The following MCM2 variants were observed in gnomAD, a reference collection of about 807,000 sequenced individuals.
MCM2 encodes the protein DNA replication licensing factor MCM2.
A neutral mutation model predicts 86.4 loss-of-function variants in MCM2; 49 were observed. The observed-to-expected ratio is 0.57, with a 90% CI of 0.45 to 0.72. The LOEUF is 0.72. Among genes scored for constraint, MCM2 ranks in the 30% least tolerant of loss-of-function variants. The probability of loss-of-function intolerance (pLI) is 0.00; values close to 1 mark genes in which losing one functional copy is unlikely to be tolerated. For synonymous variants in MCM2, 475 were observed against 484.6 expected, an observed-to-expected ratio of 0.98 and a Z score of 0.26; for missense variants, 1,038 against 1,259.9, an observed-to-expected ratio of 0.82 and a Z score of 2.67.
chr3:127,617,458 G>C lies in MCM2; in HGVS notation c.1900+53G>C. The C allele has an allele frequency of 1.9e-6, 3 of 1,566,176 alleles. No individual in the cohort carries two copies. In the South Asian group the frequency reaches 3.5e-5, roughly 18 times the overall value. ...CTGGGGTGGGACACAGGGAGGTCCC[G>C]CCTGCTTGAATTGGGAGCCCACGGG... On this transcript the variant is annotated intron_variant, in intron 11 of 15. Transcript: ENST00000265056. This position sits in a 1 kb window ranked among gnomAD's most constrained non-coding sequence, Gnocchi z 4.1.
At chr3:127,600,784 A>G (rs1381520530) in intron 2 of MCM2, among the ~76,000 whole-genome samples, 1 of 150,420 alleles carries the variant, frequency 6.6e-6, no homozygotes, top group Non-Finnish European at 1.5e-5. Context: ...TGCTTCTCTG[A>G]GAAGCAAAGA....
chr3:127,605,300 G>T (rs2074338541), intron 4 of MCM2, 144 bp downstream of exon 4: 8 of 1,059,416 alleles, frequency 7.6e-6, no homozygotes. Flanking sequence ...TTTGAGTTTT[G>T]CATCAGGGCT....
Position 127,616,913 on chromosome 3 carries a change from G to A in MCM2, c.1568G>A (p.Gly523Glu). Residue 523 changes from glycine to glutamate, a missense_variant, in exon 10 of 16, where the codon GGA becomes GAA. This residue lies in a region of MCM2 where 399 missense variants were observed against 507.2 expected (regional missense o/e 0.79). Coordinates refer to ENST00000265056, the MANE Select transcript of MCM2 (RefSeq NM_004526.4). Reference sequence around the variant, plus strand: ...GGTGATATCAACGTGCTCTTGTGCGGAGACCCTGGCACAGCGAAGTCGCAG... The same window carrying A: ...GGTGATATCAACGTGCTCTTGTGCGAAGACCCTGGCACAGCGAAGTCGCAG... Reference protein sequence around the residue: ...VRGDINVLLCGDPGTAKSQFL... With the variant: ...VRGDINVLLCEDPGTAKSQFL... 1 of 1,614,160 alleles carries A rather than the reference G, an allele frequency of 6.2e-7. No homozygotes were observed. Among genetic ancestry groups the A allele is most frequent in the Non-Finnish European group, 8.5e-7 (1 of 1,180,040 alleles).
Position 127,615,848 on chromosome 3 carries a change from C to T in MCM2, c.1429-14C>T, listed in dbSNP as rs746659418. 8 of 1,596,106 alleles carry T rather than the reference C, an allele frequency of 5.0e-6. No homozygotes were observed. The Admixed American group carries it at 1.3e-4, about 27-fold the overall frequency. On this transcript the variant is annotated splice_polypyrimidine_tract_variant and intron_variant, in intron 8 of 15. Transcript: ENST00000265056. Reference sequence around the variant, plus strand: ...ATCTGTTCCCATTCTTGTCGGTCTCCCTCCCTTTCTCAGATCTTTGCCAGC... The same window carrying T: ...ATCTGTTCCCATTCTTGTCGGTCTCTCTCCCTTTCTCAGATCTTTGCCAGC...
intron 13 of MCM2, 144 bp downstream of exon 13, chr3:127,619,422 G>C: frequency 1.0e-6 from 1 of 996,614 alleles, no homozygotes. Context: ...GTAGGTGCCA[G>C]GCACAGTGGC....
Position 127,617,372 on chromosome 3 carries a change from C to T in MCM2, c.1867C>T (p.Arg623Cys), listed in dbSNP as rs372340490. The T allele has an allele frequency of 3.0e-5, 48 of 1,614,050 alleles. 1 individual carries two copies. The highest frequency in any genetic ancestry group is 1.7e-4 in the Middle Eastern group (1 of 6,060). ...TGGCATCGTCACCTCCCTGCAGGCT[C>T]GCTGCACGGTCATTGCTGCCGCCAA... ...KAGIVTSLQA[R>C]CTVIAAANPI... is the part of the protein sequence containing the mutation. The change falls in exon 11 of 16, where the codon CGC becomes TGC. Residue 623 changes from arginine to cysteine, a missense_variant. By Grantham distance (180) the Arg-to-Cys change is radical. Transcript: ENST00000265056. This position sits in a 1 kb window ranked among gnomAD's most constrained non-coding sequence, Gnocchi z 4.1.
Position 127,617,263 on chromosome 3 carries a change from C to T in MCM2, c.1774-16C>T, listed in dbSNP as rs2074440773. On this transcript the variant is annotated splice_polypyrimidine_tract_variant and intron_variant, in intron 10 of 15. Transcript: ENST00000265056. The surrounding 1 kb of genome is among the most constrained non-coding windows in gnomAD (Gnocchi z 4.1). ...GGCGTGAACCATGCTAAGGGTGGGC[C>T]ATTTTAATCTTGCAGATGAATGACC... The T allele has an allele frequency of 6.2e-7, 1 of 1,613,938 alleles. No individual in the cohort carries two copies. The highest frequency in any genetic ancestry group is 8.5e-7 in the Non-Finnish European group (1 of 1,179,912).
chr3:127,601,662 G>A (rs534533625), intron 2 of MCM2, among the ~76,000 whole-genome samples: 29 of 152,236 alleles, frequency 1.9e-4, no homozygotes, highest in Non-Finnish European at 2.5e-4. Context: ...CACCACACCC[G>A]GCCCGTTACA....
intron 8 of MCM2, among the ~76,000 whole-genome samples, chr3:127,611,682 CTTTTTTTTTTTTTTTTTTTTTTTT>C (rs59607211): frequency 1.8e-5 from 1 of 54,258 alleles, no homozygotes; most frequent in Non-Finnish European, 3.1e-5. Context: ...CTGCAGCTGA[CTTTTTTTTTTTTTTTTTTTTTTTT>C]TTTTTTTTTT....
rs1318063469 is a variant in MCM2 at position 127,611,863 on chromosome 3, T to G, written c.1428+2840T>G. On this transcript the variant is annotated intron_variant, in intron 8 of 15. Coordinates refer to ENST00000265056, the MANE Select transcript of MCM2 (RefSeq NM_004526.4). ...ACAGGCGCCCGCCACTACGCCCGGC[T>G]AATTTTTTTGTATTTTTAGTAGAGA... 2.0e-5 allele frequency among the ~76,000 whole-genome samples: 3 copies of G among 148,418 alleles called. 1 individual carries two copies. The South Asian group carries it at 6.6e-4, about 33-fold the overall frequency.
Position 127,605,217 on chromosome 3 carries a change from A to G in MCM2, c.673+61A>G, listed in dbSNP as rs1033836989. The G allele has an allele frequency of 3.2e-5, 50 of 1,577,854 alleles. No individual in the cohort carries two copies. In the Admixed American group the frequency reaches 8.5e-4, roughly 27 times the overall value. ...AGCGCCTCCCTAAATCCTCCCCAGA[A>G]AGTTGTCTGAGCCGAGTGAACACGT... On this transcript the variant is annotated intron_variant, in intron 4 of 15. Coordinates refer to ENST00000265056, the MANE Select transcript of MCM2 (RefSeq NM_004526.4).
chr3:127,607,388 C>A (rs2074359659), intron 6 of MCM2, among the ~76,000 whole-genome samples: 1 of 152,256 alleles, frequency 6.6e-6, no homozygotes, highest in Non-Finnish European at 1.5e-5. Flanking sequence ...GGCGCCCAGG[C>A]CCCTTGACTG....
rs2074442007 is a variant in MCM2 at position 127,617,433 on chromosome 3, CTGGGGT to C, written c.1900+29_1900+34del. ...GCAGCAGGCACCCTGACTGCTGGGG[CTGGGGT>C]GGGACACAGGGAGGTCCCGCCTGCT... On this transcript the variant is annotated intron_variant, in intron 11 of 15. Coordinates refer to ENST00000265056, the MANE Select transcript of MCM2 (RefSeq NM_004526.4). This position sits in a 1 kb window ranked among gnomAD's most constrained non-coding sequence, Gnocchi z 4.1. The C allele has an allele frequency of 6.2e-7, 1 of 1,606,288 alleles. No individual in the cohort carries two copies. The highest frequency in any genetic ancestry group is 1.3e-5 in the African/African-American group (1 of 74,802).
chr3:127,621,243 G>A lies in MCM2; in HGVS notation c.2604+15G>A. 1 of 1,613,432 alleles carries A rather than the reference G, an allele frequency of 6.2e-7. No homozygotes were observed. The highest frequency in any genetic ancestry group is 1.8e-4 in the Middle Eastern group (1 of 5,626). On this transcript the variant is annotated intron_variant, in intron 15 of 15. Transcript: ENST00000265056. ...TGGTGGATAAGGTATGGGCCCGGAAGGGAGGTGAGGGTTGGGGTATGCTGA... is the reference window on the plus strand; with the variant it reads ...TGGTGGATAAGGTATGGGCCCGGAAAGGAGGTGAGGGTTGGGGTATGCTGA...
intron 3 of MCM2, 49 bp from the exon 4 acceptor site, chr3:127,604,847 A>C (rs1171132393): frequency 6.3e-7 from 1 of 1,578,514 alleles, no homozygotes; most frequent in South Asian, 1.1e-5. Context: ...GGAGGGGAGT[A>C]GAAGGTGCTG....
Position 127,618,165 on chromosome 3 carries a change from C to A in MCM2, c.2013+84C>A. On this transcript the variant is annotated intron_variant, in intron 12 of 15. Transcript: ENST00000265056. This position sits in a 1 kb window ranked among gnomAD's most constrained non-coding sequence, Gnocchi z 4.0. ...TTGGGGTCATACAGTGTGCCCAACA[C>A]AGGGGACAGGTGCTGCAGGGGCCAT... The A allele has an allele frequency of 9.5e-7, 1 of 1,047,590 alleles. No homozygotes were observed. Among genetic ancestry groups the A allele is most frequent in the Non-Finnish European group, 1.5e-6 (1 of 681,448 alleles). The allele number at this position is 1,047,590 out of a possible 1,614,324, so 64.9% of individuals were successfully genotyped here.
Position 127,620,822 on chromosome 3 carries a change from T to A in MCM2, c.2390T>A (p.Val797Glu). 6.2e-7 allele frequency: 1 copy of A among 1,613,976 alleles called. No individual in the cohort carries two copies. The highest frequency in any genetic ancestry group is 8.5e-7 in the Non-Finnish European group (1 of 1,179,904). The change falls in exon 14 of 16, where the codon GTG (valine) becomes GAG (glutamate). Residue 797 changes from valine (V) to glutamate (E), a missense_variant. By Grantham distance (121) the Val-to-Glu change is moderately radical. This residue lies in a region of MCM2 where 336 missense variants were observed against 425.7 expected (regional missense o/e 0.79). Transcript: ENST00000265056. ...GACGACGTCAACATGGCCATCCGCG[T>A]GATGCTGGAGAGCTTCATAGACACA... is the stretch of plus-strand genomic sequence containing the variant. ...IEDDVNMAIR[V>E]MLESFIDTQK...
At chr3:127,616,085 C>A in intron 9 of MCM2, 130 bp downstream of exon 9, 1 of 725,766 alleles carries the variant, frequency 1.4e-6, no homozygotes, top group South Asian at 1.7e-5. Flanking sequence ...GATGGTCTGG[C>A]TGGGCGTGAC....
chr3:127,608,252 C>A, intron 6 of MCM2, 130 bp from the exon 7 acceptor site: 1 of 1,149,000 alleles, frequency 8.7e-7, no homozygotes, highest in Non-Finnish European at 1.3e-6. Context: ...TGAACTCATT[C>A]CTTGCTGTCT....
Sources: allele counts gnomAD v4.1 joint callset (sites outside exome capture counted in the v4.1 genomes callset), GRCh38; gene constraint gnomAD v4.1.1; regional missense constraint gnomAD v4.1.1; non-coding constraint Gnocchi (gnomAD v3.1); transcripts MANE v1.5; gene names NCBI Gene and HGNC (gene_info 2026-07-23, HGNC 2026-07-21).